DPF3: variants seen among roughly 807,000 people sequenced by gnomAD.
DPF3 encodes the protein double PHD fingers 3.
A neutral mutation model predicts 56.8 loss-of-function variants in DPF3; 18 were observed. The observed-to-expected ratio is 0.32, with a 90% confidence interval of 0.22 to 0.47. DPF3 has a LOEUF of 0.47. DPF3 is among the 20% of genes least tolerant of loss of function. The pLI, the probability that DPF3 is intolerant of heterozygous loss-of-function variation, is 1.00. For synonymous variants in DPF3, 188 were observed against 180.2 expected (o/e 1.04, Z -0.35); for missense variants, 403 against 488.8 (o/e 0.82, Z 1.65).
intron 1 of DPF3, among the ~76,000 whole-genome samples, chr14:72,837,859 T>C (rs1267893908): frequency 3.3e-5 from 5 of 152,238 alleles, no homozygotes; most frequent in Admixed American, 3.3e-4. Flanking sequence ...AGACAGTTCG[T>C]CTGCGGCCTT....
At position 72,892,342 on chromosome 14, in the gene DPF3, A is replaced by G. The variant is rs1400599640; in HGVS notation, c.32+1715T>C. ...ACGCCCATTTATTCTGCCATAAAACATTTTCTTTCTTGGGTGAAACGCTGT... is the reference window on the plus strand; with the variant it reads ...ACGCCCATTTATTCTGCCATAAAACGTTTTCTTTCTTGGGTGAAACGCTGT... On this transcript the variant is annotated intron_variant, in intron 1 of 10. Transcript: ENST00000556509. The G allele has an allele frequency of 2.6e-6, 4 of 1,534,842 alleles. No homozygotes were observed. In the Admixed American group the frequency reaches 5.9e-5, roughly 23 times the overall value.
At chr14:72,822,716 AT>A (rs922298512) in intron 1 of DPF3, among the ~76,000 whole-genome samples, 4 of 151,598 alleles carry the variant, frequency 2.6e-5, no homozygotes, top group Non-Finnish European at 2.9e-5. Flanking sequence ...AAAAACACAG[AT>A]TTTTTTTTAG....
In DPF3 at chr14:72,615,005, G is replaced by A. The variant is rs1356517562; in HGVS notation, c.*4292C>T. On this transcript the variant is annotated 3_prime_UTR_variant, in exon 11 of 11. Coordinates refer to ENST00000556509, the MANE Select transcript of DPF3 (RefSeq NM_001280542.3). ...GACACCAAGTCACCACTGCTACCAGGAGCCAGGCCTGGGACTTGCGGCATC... is the reference window on the plus strand; with the variant it reads ...GACACCAAGTCACCACTGCTACCAGAAGCCAGGCCTGGGACTTGCGGCATC... Among the ~76,000 whole-genome samples, 1 of 150,460 alleles carries A rather than the reference G, an allele frequency of 6.6e-6. No homozygotes were observed. The highest frequency in any genetic ancestry group is 2.2e-4 in the South Asian group (1 of 4,586).
chr14:72,864,935 C>G (rs1394255341), intron 1 of DPF3, among the ~76,000 whole-genome samples: 1 of 152,176 alleles, frequency 6.6e-6, no homozygotes, highest in Non-Finnish European at 1.5e-5. Flanking sequence ...GCCAATATGA[C>G]TCGGGACCAA....
intron 7 of DPF3, among the ~76,000 whole-genome samples, chr14:72,679,597 G>T (rs1887068326): frequency 6.6e-6 from 1 of 152,198 alleles, no homozygotes; most frequent in African/African-American, 2.4e-5. Context: ...CCTCTCGTTT[G>T]TTCCCCCCGC....
intron 1 of DPF3, chr14:72,879,965 A>G: frequency 6.8e-7 from 1 of 1,474,484 alleles, no homozygotes; most frequent in Non-Finnish European, 9.0e-7. Flanking sequence ...TGCCAAAGAA[A>G]GGTGAAAAAG....
chr14:72,756,906 A>G (rs372701744), intron 2 of DPF3, among the ~76,000 whole-genome samples: 4,548 of 69,788 alleles, frequency 0.065, 161 homozygotes, highest in East Asian at 0.084. Context: ...AGAAAAGAAA[A>G]AAAGAAAGAA....
chr14:72,862,382 CCT>C (rs1225134150), intron 1 of DPF3, among the ~76,000 whole-genome samples: 1 of 152,140 alleles, frequency 6.6e-6, no homozygotes, highest in Non-Finnish European at 1.5e-5. Context: ...CAAATGGATG[CCT>C]CTCTTGTTGT....
chr14:72,656,211 T>C lies in DPF3; in HGVS notation c.871+18029A>G, dbSNP rs570778232. On this transcript the variant is annotated intron_variant, in intron 8 of 10. Coordinates refer to ENST00000556509, the MANE Select transcript of DPF3 (RefSeq NM_001280542.3). ...TTGTTAATAAGCTTTTCTGTACTTT[T>C]TGGATTTCCCACAGTCTTTTTCCGC... 9.8e-5 allele frequency among the ~76,000 whole-genome samples: 15 copies of C among 152,368 alleles called. No homozygotes were observed. In the South Asian group the frequency reaches 3.1e-3, roughly 32 times the overall value.
chr14:72,843,609 C>G (rs916908110), intron 1 of DPF3, among the ~76,000 whole-genome samples: 42 of 152,190 alleles, frequency 2.8e-4, no homozygotes, highest in South Asian at 2.1e-4. Flanking sequence ...ATGGCGTGAC[C>G]TCGGCTCACT....
intron 8 of DPF3, among the ~76,000 whole-genome samples, chr14:72,634,339 A>T (rs965146487): frequency 2.0e-5 from 3 of 152,198 alleles, no homozygotes; most frequent in Admixed American, 2.0e-4. Flanking sequence ...CATTTGCCAG[A>T]CAAAACTGCA....
At chr14:72,772,884 G>A (rs925162773) in intron 1 of DPF3, among the ~76,000 whole-genome samples, 8 of 152,104 alleles carry the variant, frequency 5.3e-5, no homozygotes, top group Non-Finnish European at 7.4e-5. Flanking sequence ...TACTGGGGTC[G>A]GGGGGCAGTG....
chr14:72,875,992 T>C (rs1021065215), intron 1 of DPF3, among the ~76,000 whole-genome samples: 5 of 152,242 alleles, frequency 3.3e-5, no homozygotes, highest in African/African-American at 9.6e-5. Context: ...ATTTTCCTCC[T>C]TGGATTGGAT....
chr14:72,815,467 C>A (rs953652881), intron 1 of DPF3, among the ~76,000 whole-genome samples: 1 of 152,224 alleles, frequency 6.6e-6, no homozygotes, highest in African/African-American at 2.4e-5. Flanking sequence ...ATTTTCATTT[C>A]TCCCAGAGAT....
At chr14:72,826,825 G>A (rs541853219) in intron 1 of DPF3, among the ~76,000 whole-genome samples, 1 of 152,200 alleles carries the variant, frequency 6.6e-6, no homozygotes, top group African/African-American at 2.4e-5. Context: ...GGTGGATCAC[G>A]AAGTCATGAG....
chr14:72,786,326 G>A (rs957996593), intron 1 of DPF3, among the ~76,000 whole-genome samples: 4 of 151,852 alleles, frequency 2.6e-5, no homozygotes, highest in Non-Finnish European at 4.4e-5. Context: ...GGGACATACC[G>A]AGGCAGAGCT....
chr14:72,664,299 C>T (rs1886352792), intron 8 of DPF3, among the ~76,000 whole-genome samples: 1 of 152,134 alleles, frequency 6.6e-6, no homozygotes, highest in Admixed American at 6.5e-5. Flanking sequence ...TTACCCCACA[C>T]CTTTCAGTTT....
intron 1 of DPF3, among the ~76,000 whole-genome samples, chr14:72,828,537 T>TAAAAAAAAAAAAAAAAAAAAACAA (rs3058950): frequency 1.1e-5 from 1 of 86,988 alleles, no homozygotes; most frequent in Non-Finnish European, 2.2e-5. Flanking sequence ...GACCATGTCT[T>TAAAAAAAAAAAAAAAAAAAAACAA]AAAAAAAAAA....
intron 2 of DPF3, among the ~76,000 whole-genome samples, chr14:72,755,302 G>A (rs988600564): frequency 6.6e-6 from 1 of 152,212 alleles, no homozygotes; most frequent in African/African-American, 2.4e-5. Context: ...GTGCTTGGTG[G>A]TCAGCGGTAC....
Sources: allele counts gnomAD v4.1 joint callset (sites outside exome capture counted in the v4.1 genomes callset), GRCh38; gene constraint gnomAD v4.1.1; transcripts MANE v1.5; gene names NCBI Gene and HGNC (gene_info 2026-07-23, HGNC 2026-07-21).